Variants in GFRA1 observed in about 807,000 individuals in gnomAD.
GFRA1 encodes the protein GDNF family receptor alpha 1, also known as GDNF family receptor alpha-1.
A neutral mutation model predicts 51.6 loss-of-function variants in GFRA1; 16 were observed. The ratio of observed to expected loss-of-function variants is 0.31; its 90% CI spans 0.21 to 0.47. GFRA1 has a LOEUF of 0.47. GFRA1 is among the 20% of genes least tolerant of loss of function. The probability of loss-of-function intolerance (pLI) is 1.00; values close to 1 mark genes in which losing one functional copy is unlikely to be tolerated. For synonymous variants in GFRA1, 270 were observed against 241.3 expected (o/e 1.12, Z -1.10); for missense variants, 530 against 594.3 (o/e 0.89, Z 1.13).
At chr10:116,221,511 C>T (rs1443127630) in intron 4 of GFRA1, among the ~76,000 whole-genome samples, 2 of 152,014 alleles carry the variant, frequency 1.3e-5, no homozygotes, top group Non-Finnish European at 2.9e-5. Flanking sequence ...TGCAACCTCT[C>T]TCTCCCAGGT....
intron 6 of GFRA1, among the ~76,000 whole-genome samples, chr10:116,105,851 C>G (rs1013949871): frequency 2.6e-5 from 4 of 152,150 alleles, no homozygotes; most frequent in African/African-American, 9.7e-5. Context: ...AGAATGCCTA[C>G]CTTTGGGTAG....
At chr10:116,228,980 CAAAAAAA>C (rs57618028) in intron 4 of GFRA1, among the ~76,000 whole-genome samples, 18 of 52,884 alleles carry the variant, frequency 3.4e-4, no homozygotes, top group East Asian at 7.4e-4. Context: ...TACTCCATCT[CAAAAAAA>C]AAAAAAAAAA....
chr10:116,252,777 T>C (rs1168574405), intron 4 of GFRA1, among the ~76,000 whole-genome samples: 1 of 152,130 alleles, frequency 6.6e-6, no homozygotes, highest in Non-Finnish European at 1.5e-5. Flanking sequence ...CAACATGCTG[T>C]CTCATAACAA....
intron 2 of GFRA1, among the ~76,000 whole-genome samples, chr10:116,271,678 G>A (rs930115539): frequency 1.3e-5 from 2 of 152,170 alleles, no homozygotes; most frequent in African/African-American, 4.8e-5. Context: ...GCCCGCCGCG[G>A]CTCCGCGAGC....
chr10:116,138,632 G>A (rs912765868), intron 5 of GFRA1, among the ~76,000 whole-genome samples: 2 of 149,802 alleles, frequency 1.3e-5, no homozygotes, highest in African/African-American at 5.0e-5. Context: ...CAAGATGGTA[G>A]GAACCCCCCC....
rs74439963 is a variant in GFRA1 at position 116,125,573 on chromosome 10, A to C, written c.434-16T>G. On this transcript the variant is annotated splice_polypyrimidine_tract_variant and intron_variant, in intron 5 of 10. Transcript: ENST00000355422. ...ATGTGCTCCACTGCAAATGCAGAGA[A>C]AGACAGGCATGGTCACAGTGCTCGG... 194 of 1,599,026 alleles carry C rather than the reference A, an allele frequency of 1.2e-4. 1 individual carries two copies. The East Asian group carries it at 2.6e-3, about 21-fold the overall frequency.
chr10:116,137,103 G>C (rs1204288238), intron 5 of GFRA1, among the ~76,000 whole-genome samples: 3 of 152,170 alleles, frequency 2.0e-5, no homozygotes, highest in Non-Finnish European at 4.4e-5. Context: ...CATTTGCTCT[G>C]TTCCTCCCAA....
chr10:116,248,065 T>C (rs141072748), intron 4 of GFRA1, among the ~76,000 whole-genome samples: 1 of 152,344 alleles, frequency 6.6e-6, no homozygotes, highest in Non-Finnish European at 1.5e-5. Context: ...TCCTCTTGAC[T>C]TTCTGGGTAT....
intron 9 of GFRA1, among the ~76,000 whole-genome samples, chr10:116,076,523 G>A (rs561865545): frequency 4.6e-5 from 7 of 152,286 alleles, no homozygotes; most frequent in South Asian, 2.1e-4. Context: ...AGTATTTACC[G>A]GGTGGAGGGT....
chr10:116,261,316 A>G (rs115593303), intron 4 of GFRA1, among the ~76,000 whole-genome samples: 268 of 152,328 alleles, frequency 1.8e-3, no homozygotes, highest in African/African-American at 6.0e-3. Flanking sequence ...CTGCTTTCTT[A>G]TCAGTCAAAT....
intron 6 of GFRA1, among the ~76,000 whole-genome samples, chr10:116,121,989 T>C (rs904819920): frequency 2.0e-5 from 3 of 152,176 alleles, no homozygotes; most frequent in South Asian, 2.1e-4. Context: ...GCTCAAATTA[T>C]ATTTAGCACC....
chr10:116,088,117 A>G (rs1389547370), intron 9 of GFRA1, among the ~76,000 whole-genome samples: 1 of 152,142 alleles, frequency 6.6e-6, no homozygotes, highest in East Asian at 1.9e-4. Context: ...CAAAGGACAG[A>G]GACATAAGCT....
chr10:116,085,201 C>T (rs1488746596), intron 9 of GFRA1, among the ~76,000 whole-genome samples: 7 of 152,162 alleles, frequency 4.6e-5, no homozygotes, highest in South Asian at 2.1e-4. Context: ...AACAGAACTG[C>T]GTTTGGTTTG....
chr10:116,216,341 T>C (rs1965561035), intron 4 of GFRA1, among the ~76,000 whole-genome samples: 1 of 152,192 alleles, frequency 6.6e-6, no homozygotes, highest in Admixed American at 6.5e-5. Context: ...GCAGGTTAAG[T>C]GAGTTGGCTC....
At position 116,064,505 on chromosome 10, in the gene GFRA1, T is replaced by G. The variant is rs1420530528; in HGVS notation, c.1291A>C (p.Ile431Leu). 6.2e-7 allele frequency: 1 copy of G among 1,613,628 alleles called. No homozygotes were observed. The highest frequency in any genetic ancestry group is 8.5e-7 in the Non-Finnish European group (1 of 1,179,674). ...EKEGLGASSHITTKSMAAPPS... is the reference protein window; with the variant it reads ...EKEGLGASSHLTTKSMAAPPS... The stretch of plus-strand genomic sequence containing the variant: ...GGAGCAGCCATTGATTTTGTGGTTA[T>G]GTGGCTGGAAGCACCGAGACCTTCT... Residue 431 changes from isoleucine to leucine, a missense_variant, in exon 11 of 11, where the codon ATA becomes CTA. Physicochemically the swap from Ile to Leu is conservative, Grantham distance 5. Transcript: ENST00000355422.
At chr10:116,141,018 A>G (rs929749443) in intron 5 of GFRA1, among the ~76,000 whole-genome samples, 2 of 152,194 alleles carry the variant, frequency 1.3e-5, no homozygotes, top group Non-Finnish European at 2.9e-5. Flanking sequence ...ACTGCTGAAA[A>G]CCTAATAGTA....
Position 116,093,751 on chromosome 10 carries a change from T to C in GFRA1, c.966A>G (p.Leu322=), listed in dbSNP as rs1285362044. Residue 322 remains leucine (L), a synonymous_variant, in exon 8 of 11, where the codon CTA becomes CTG. Transcript: ENST00000355422. ...AATTCAAAAATTTCAAGCACTCTTC[T>C]AGGTCGTTCCCACTGTTGCTGCAGT... ...WCDCSNSGND[L]EECLKFLNFF... The C allele has an allele frequency of 4.3e-6, 7 of 1,613,618 alleles. No individual in the cohort carries two copies. The African/African-American group carries it at 8.0e-5, about 18-fold the overall frequency.
At chr10:116,082,356 T>G (rs1955886027) in intron 9 of GFRA1, among the ~76,000 whole-genome samples, 1 of 152,208 alleles carries the variant, frequency 6.6e-6, no homozygotes. Flanking sequence ...CCTTCCTTCT[T>G]GGCCTGGTGT....
chr10:116,270,527 C>T (rs1470295423), intron 3 of GFRA1, among the ~76,000 whole-genome samples: 1 of 152,182 alleles, frequency 6.6e-6, no homozygotes, highest in Non-Finnish European at 1.5e-5. Context: ...TCCTTGGGGC[C>T]CTTTAGTGGG....
Sources: gnomAD v4.1 joint callset for allele counts (sites outside exome capture counted in the v4.1 genomes callset) on GRCh38, gnomAD v4.1.1 for gene constraint, MANE v1.5 for transcripts, NCBI Gene and HGNC (gene_info 2026-07-23, HGNC 2026-07-21) for gene names.